Variants in OPA1 observed in about 807,000 individuals in gnomAD.
OPA1 encodes the protein dynamin-like GTPase OPA1, mitochondrial.
Under a neutral mutation model 152.9 loss-of-function variants are expected in OPA1, and 59 were observed. That is an observed-to-expected ratio of 0.39 (90% CI 0.31 to 0.48). OPA1 has a LOEUF of 0.48. Among genes scored for constraint, OPA1 ranks in the 20% least tolerant of loss-of-function variants. OPA1 has a pLI of 0.96. For synonymous variants in OPA1, 400 were observed against 389.9 expected (o/e 1.03, Z -0.31); for missense variants, 1,008 against 1,216.8 (o/e 0.83, Z 2.55).
intron 1 of OPA1, among the ~76,000 whole-genome samples, chr3:193,611,260 G>C (rs1408201756): frequency 6.6e-6 from 1 of 152,184 alleles, no homozygotes; most frequent in Non-Finnish European, 1.5e-5. Flanking sequence ...AGGGGCATAA[G>C]CTTATTAGCC....
Position 193,688,423 on chromosome 3 carries a change from C to T in OPA1, c.2984-3640C>T, listed in dbSNP as rs919725790. The stretch of plus-strand genomic sequence containing the variant: ...TTAGGAGGTGTAACTGTTTTGTTCC[C>T]TGATTTTTACTGAAATGGGTCTTTT... On this transcript the variant is annotated intron_variant, in intron 29 of 30. Coordinates refer to ENST00000361510, the MANE Select transcript of OPA1 (RefSeq NM_130837.3). Among the ~76,000 whole-genome samples the T allele has an allele frequency of 2.7e-5, 3 of 109,192 alleles. No individual in the cohort carries two copies. In the Admixed American group the frequency reaches 3.1e-4, roughly 11 times the overall value. The allele number at this position is 109,192 out of a possible 152,430, so 71.6% of individuals were successfully genotyped here.
At chr3:193,687,546 C>T (rs892155332) in intron 29 of OPA1, among the ~76,000 whole-genome samples, 6 of 152,120 alleles carry the variant, frequency 3.9e-5, no homozygotes, top group African/African-American at 1.2e-4. Context: ...GATCCATACA[C>T]GTATTTCTGA....
intron 1 of OPA1, among the ~76,000 whole-genome samples, chr3:193,607,125 T>C (rs1234592477): frequency 6.6e-6 from 1 of 152,248 alleles, no homozygotes; most frequent in Admixed American, 6.5e-5. Context: ...TTTGTTTTTC[T>C]CTTGTAAGTT....
chr3:193,611,278 G>GT (rs1201977492), intron 1 of OPA1, among the ~76,000 whole-genome samples: 2 of 151,872 alleles, frequency 1.3e-5, no homozygotes, highest in African/African-American at 4.8e-5. Flanking sequence ...GCCTTTTGAG[G>GT]TTTTTTTTGC....
At chr3:193,607,620 C>T (rs968837485) in intron 1 of OPA1, among the ~76,000 whole-genome samples, 2 of 152,112 alleles carry the variant, frequency 1.3e-5, no homozygotes, top group Non-Finnish European at 2.9e-5. Context: ...TTCCATTGGC[C>T]TATATCTCTG....
chr3:193,674,163 A>G (rs1035509392), intron 29 of OPA1, among the ~76,000 whole-genome samples: 2 of 152,198 alleles, frequency 1.3e-5, no homozygotes, highest in African/African-American at 2.4e-5. Flanking sequence ...GGAGTAGACA[A>G]TGCTTTTGGG....
chr3:193,648,971 C>G lies in OPA1; in HGVS notation c.2012+100C>G, dbSNP rs116027439. 131 of 897,598 alleles carry G rather than the reference C, an allele frequency of 1.5e-4. No homozygotes were observed. The African/African-American group carries it at 2.0e-3, about 14-fold the overall frequency. The allele number at this position is 897,598 out of a possible 1,614,324, so 55.6% of individuals were successfully genotyped here. A position where few individuals can be genotyped will look rare whatever the true frequency, so the allele number is the denominator to read the frequency against. On this transcript the variant is annotated intron_variant, in intron 21 of 30. Transcript: ENST00000361510. Reference sequence around the variant, plus strand: ...TGATAAAGCAGTGATTTATTGTTGCCTTGGCTCATAGGCAAAAACGTAATA... The same window carrying G: ...TGATAAAGCAGTGATTTATTGTTGCGTTGGCTCATAGGCAAAAACGTAATA...
At chr3:193,615,063 GT>G in intron 2 of OPA1, 22 bp downstream of exon 2, 2 of 1,569,636 alleles carry the variant, frequency 1.3e-6, no homozygotes, top group Non-Finnish European at 1.8e-6. Flanking sequence ...ATTCCTCCTG[GT>G]TTTCCAATTA....
intron 29 of OPA1, among the ~76,000 whole-genome samples, chr3:193,681,799 TAGTC>T (rs1720176607): frequency 6.6e-6 from 1 of 152,236 alleles, no homozygotes; most frequent in South Asian, 2.1e-4. Flanking sequence ...GTGCCCATAT[TAGTC>T]AGTGACCTTA....
intron 25 of OPA1, among the ~76,000 whole-genome samples, chr3:193,661,766 A>G (rs150344287): frequency 6.6e-6 from 1 of 152,316 alleles, no homozygotes; most frequent in East Asian, 1.9e-4. Flanking sequence ...AATGATGGGT[A>G]GAAAGGGGGA....
chr3:193,697,401 A>G lies in OPA1; in HGVS notation c.*2801A>G, dbSNP rs148268725. 7.2e-5 allele frequency: 11 copies of G among 152,360 alleles called. No individual in the cohort carries two copies. In the East Asian group the frequency reaches 2.1e-3, roughly 29 times the overall value. The allele number at this position is 152,360 out of a possible 1,614,324, so 9.4% of individuals were successfully genotyped here. On this transcript the variant is annotated 3_prime_UTR_variant, in exon 31 of 31. Coordinates refer to ENST00000361510, the MANE Select transcript of OPA1 (RefSeq NM_130837.3). ...ACCTTGTTTTCACTTGTGCACTGTG[A>G]ATGAACTTTGTATTATTTTTTTAAA...
chr3:193,661,453 G>A (rs931232490), intron 25 of OPA1, among the ~76,000 whole-genome samples: 2 of 152,158 alleles, frequency 1.3e-5, no homozygotes, highest in Non-Finnish European at 2.9e-5. Flanking sequence ...GAAGACAAGT[G>A]TTTTCAACCT....
intron 29 of OPA1, among the ~76,000 whole-genome samples, chr3:193,681,536 A>G (rs757222918): frequency 2.6e-5 from 4 of 152,248 alleles, no homozygotes; most frequent in Non-Finnish European, 4.4e-5. Context: ...GGTTCTACGT[A>G]CAGGCAGACC....
Position 193,593,239 on chromosome 3 carries a change from A to G in OPA1, c.-139A>G. On this transcript the variant is annotated 5_prime_UTR_variant, in exon 1 of 31. Transcript: ENST00000361510. ...TTGCGGAAGTCCATGCGCCATTGGG[A>G]GGGCCTCGGCCGCGGCTCTGTGCCC... 1 of 725,248 alleles carries G rather than the reference A, an allele frequency of 1.4e-6. No individual in the cohort carries two copies. The highest frequency in any genetic ancestry group is 2.2e-6 in the Non-Finnish European group (1 of 464,710). 44.9% of individuals were successfully genotyped at this position (725,248 alleles called of 1,614,324 possible).
At chr3:193,676,259 C>G (rs1271596318) in intron 29 of OPA1, among the ~76,000 whole-genome samples, 1 of 151,984 alleles carries the variant, frequency 6.6e-6, no homozygotes, top group Non-Finnish European at 1.5e-5. Context: ...CTCTTCACTA[C>G]AGAATAAATA....
intron 4 of OPA1, 28 bp from the exon 5 acceptor site, chr3:193,617,756 T>A (rs781478135): frequency 6.4e-7 from 1 of 1,562,816 alleles, no homozygotes. Context: ...TTTACATTTC[T>A]ATTTCCCCTT....
intron 29 of OPA1, among the ~76,000 whole-genome samples, chr3:193,673,001 G>A (rs555371433): frequency 3.3e-5 from 5 of 151,932 alleles, no homozygotes; most frequent in South Asian, 4.2e-4. Flanking sequence ...TACTTTTCTT[G>A]TGCCAGATAT....
At chr3:193,600,962 G>A (rs1213627961) in intron 1 of OPA1, among the ~76,000 whole-genome samples, 4 of 152,118 alleles carry the variant, frequency 2.6e-5, no homozygotes, top group African/African-American at 7.2e-5. Flanking sequence ...AATCAGGGGA[G>A]GGATTAGTAC....
intron 7 of OPA1, among the ~76,000 whole-genome samples, 200 bp from the exon 8 acceptor site, chr3:193,631,412 A>G (rs966306183): frequency 6.6e-6 from 1 of 152,230 alleles, no homozygotes; most frequent in African/African-American, 2.4e-5. Flanking sequence ...GTTTCTCAAT[A>G]TAAAATTTTG....
Sources: allele counts gnomAD v4.1 joint callset (sites outside exome capture counted in the v4.1 genomes callset), GRCh38; gene constraint gnomAD v4.1.1; transcripts MANE v1.5; gene names NCBI Gene and HGNC (gene_info 2026-07-23, HGNC 2026-07-21).